Variants in TFPI observed in about 807,000 individuals in gnomAD.
TFPI encodes the protein anti-convertin.
TFPI carries 15 observed loss-of-function variants against 34.6 expected under a neutral mutation model. The ratio of observed to expected loss-of-function variants is 0.43; its 90% CI spans 0.29 to 0.67. TFPI has a LOEUF of 0.67. TFPI is among the 30% of genes least tolerant of loss of function. The pLI is 0.15. For synonymous variants in TFPI, 105 were observed against 120.1 expected, an observed-to-expected ratio of 0.87 and a Z score of 0.82; for missense variants, 301 against 364.0, an observed-to-expected ratio of 0.83 and a Z score of 1.41.
intron 6 of TFPI, among the ~76,000 whole-genome samples, chr2:187,472,893 T>A (rs753613238): frequency 4.6e-5 from 7 of 152,070 alleles, no homozygotes; most frequent in Non-Finnish European, 7.4e-5. Context: ...ACGCATGTGG[T>A]CCCAGCTACT....
chr2:187,505,559 A>G lies in TFPI; in HGVS notation c.-2-1789T>C, dbSNP rs115772622. 2.2e-3 allele frequency among the ~76,000 whole-genome samples: 340 copies of G among 152,268 alleles called. 2 individuals carry two copies. The highest frequency in any genetic ancestry group is 3.4e-3 in the Middle Eastern group (1 of 294). ...CTTTATTTTCTCTCAGTGTGACCCAATCTTCTCTGCATAGCATGATGCATG... is the reference window on the plus strand; with the variant it reads ...CTTTATTTTCTCTCAGTGTGACCCAGTCTTCTCTGCATAGCATGATGCATG... On this transcript the variant is annotated intron_variant, in intron 1 of 7. Transcript: ENST00000233156.
chr2:187,497,754 C>G (rs1279443150), intron 2 of TFPI, among the ~76,000 whole-genome samples: 1 of 151,670 alleles, frequency 6.6e-6, no homozygotes, highest in Non-Finnish European at 1.5e-5. Context: ...ACAGAATTTT[C>G]TATCCTGGGA....
intron 3 of TFPI, among the ~76,000 whole-genome samples, chr2:187,496,310 AT>A (rs1327775813): frequency 6.6e-6 from 1 of 152,134 alleles, no homozygotes; most frequent in Non-Finnish European, 1.5e-5. Context: ...TAGAGCTTCA[AT>A]TTCCAGATTC....
intron 1 of TFPI, among the ~76,000 whole-genome samples, chr2:187,525,878 C>A (rs542051993): frequency 6.6e-6 from 1 of 152,144 alleles, no homozygotes; most frequent in Non-Finnish European, 1.5e-5. Flanking sequence ...GCAGCCCTAG[C>A]CAACTAAAAC....
chr2:187,511,018 A>C (rs1010388491), intron 1 of TFPI, among the ~76,000 whole-genome samples: 2 of 152,212 alleles, frequency 1.3e-5, no homozygotes, highest in Non-Finnish European at 2.9e-5. Flanking sequence ...TAGGCAGCTT[A>C]GGCCTGCCTT....
intron 2 of TFPI, among the ~76,000 whole-genome samples, chr2:187,501,120 G>T (rs975394882): frequency 1.3e-5 from 2 of 152,022 alleles, no homozygotes; most frequent in Non-Finnish European, 2.9e-5. Context: ...TGTTTACAGA[G>T]GTAATAATTA....
intron 1 of TFPI, among the ~76,000 whole-genome samples, chr2:187,545,224 T>G (rs2106319185): frequency 6.6e-6 from 1 of 152,350 alleles, no homozygotes; most frequent in African/African-American, 2.4e-5. Flanking sequence ...AACTGTTCAC[T>G]GTATAGAATT....
chr2:187,484,316 A>G, intron 5 of TFPI, 100 bp from the exon 6 acceptor site: 1 of 892,132 alleles, frequency 1.1e-6, no homozygotes, highest in Non-Finnish European at 1.7e-6. Flanking sequence ...ACTTCTGGCA[A>G]TTTCATTCAC....
intron 1 of TFPI, among the ~76,000 whole-genome samples, chr2:187,513,229 GAACTA>G (rs1275714383): frequency 6.6e-6 from 1 of 152,006 alleles, no homozygotes; most frequent in Admixed American, 6.6e-5. Flanking sequence ...GTTTTTCTGT[GAACTA>G]AACATTAAAA....
intron 1 of TFPI, among the ~76,000 whole-genome samples, chr2:187,528,317 C>A (rs1687782829): frequency 6.6e-6 from 1 of 151,944 alleles, no homozygotes; most frequent in South Asian, 2.1e-4. Context: ...TTAGTACAAG[C>A]CTAAACAAGA....
In TFPI at chr2:187,524,024, T is replaced by C. The variant is rs575259806; in HGVS notation, c.-2-20254A>G. Among the ~76,000 whole-genome samples the C allele has an allele frequency of 5.7e-4, 87 of 152,222 alleles. 4 individuals carry two copies. The South Asian group carries it at 0.016, about 29-fold the overall frequency. On this transcript the variant is annotated intron_variant, in intron 1 of 7. Coordinates refer to ENST00000233156, the MANE Select transcript of TFPI (RefSeq NM_006287.6). ...AATATAATATCTGGCCTACTATGTC[T>C]GGCTTCTTTCACTTAGCATACTGTT...
intron 1 of TFPI, among the ~76,000 whole-genome samples, chr2:187,528,419 T>C (rs1036041021): frequency 2.6e-5 from 4 of 151,938 alleles, no homozygotes; most frequent in African/African-American, 7.3e-5. Context: ...TATATACCAG[T>C]TTTTTTTAAA....
intron 4 of TFPI, among the ~76,000 whole-genome samples, chr2:187,486,232 A>G (rs570020138): frequency 1.4e-3 from 216 of 151,740 alleles, no homozygotes; most frequent in Middle Eastern, 6.8e-3. Flanking sequence ...GAATAAAACA[A>G]TTCTTTAAAA....
chr2:187,479,150 A>G (rs1692628069), intron 6 of TFPI, among the ~76,000 whole-genome samples: 1 of 152,110 alleles, frequency 6.6e-6, no homozygotes, highest in Non-Finnish European at 1.5e-5. Flanking sequence ...GTGTTTAATG[A>G]TAATGAAAAG....
rs8176525 is a variant in TFPI at position 187,480,621 on chromosome 2, C to T, written c.628+3503G>A. Among the ~76,000 whole-genome samples, 16 of 151,944 alleles carry T rather than the reference C, an allele frequency of 1.1e-4. 1 individual carries two copies. The South Asian group carries it at 2.1e-3, about 20-fold the overall frequency. On this transcript the variant is annotated intron_variant, in intron 6 of 7. Transcript: ENST00000233156. ...CAGTTGTGATGGCTTTCAGTTCTAG[C>T]GTTTATGCGCAAAATTGCACACATT...
chr2:187,478,485 T>C (rs1056591031), intron 6 of TFPI: 12 of 787,152 alleles, frequency 1.5e-5, no homozygotes, highest in Non-Finnish European at 2.1e-5. Context: ...TTAGGTCCGG[T>C]CAAAAGACTC....
At chr2:187,534,902 A>T (rs192749739) in intron 1 of TFPI, among the ~76,000 whole-genome samples, 37 of 151,740 alleles carry the variant, frequency 2.4e-4, no homozygotes, top group African/African-American at 8.4e-4. Context: ...AGCAAAAAAA[A>T]AAATAAAAAA....
At chr2:187,519,400 C>G (rs1273172321) in intron 1 of TFPI, 1 of 152,972 alleles carries the variant, frequency 6.5e-6, no homozygotes, top group Non-Finnish European at 1.5e-5. Context: ...TCAGGCTCCT[C>G]TGCTGCAGTG....
chr2:187,499,882 G>A (rs536705737), intron 2 of TFPI, among the ~76,000 whole-genome samples: 1 of 152,178 alleles, frequency 6.6e-6, no homozygotes, highest in South Asian at 2.1e-4. Context: ...GTTTCAGATA[G>A]AAAACTTGAA....
Sources: gnomAD v4.1 joint callset for allele counts (sites outside exome capture counted in the v4.1 genomes callset) on GRCh38, gnomAD v4.1.1 for gene constraint, MANE v1.5 for transcripts, NCBI Gene and HGNC (gene_info 2026-07-23, HGNC 2026-07-21) for gene names.